SPAST: variants seen among roughly 807,000 people sequenced by gnomAD.
The protein encoded by SPAST is spastin.
In SPAST, 30 loss-of-function variants were observed where a neutral mutation model predicts 76.6. The ratio of observed to expected loss-of-function variants is 0.39; its 90% CI spans 0.29 to 0.53. The LOEUF (loss-of-function observed/expected upper bound fraction) is 0.53. SPAST is among the 20% of genes least tolerant of loss of function. The pLI is 0.68. For missense variants in SPAST, 717 were observed against 770.5 expected (o/e 0.93, Z 0.82); for synonymous variants, 305 against 281.0 (o/e 1.09, Z -0.86).
chr2:32,116,444 A>T (rs1232267666), intron 7 of SPAST, among the ~76,000 whole-genome samples: 1 of 152,166 alleles, frequency 6.6e-6, no homozygotes, highest in Non-Finnish European at 1.5e-5. Flanking sequence ...ATTTTTAGGA[A>T]AAGTGGGTAG....
chr2:32,147,786 C>T (rs1393221822), intron 16 of SPAST, among the ~76,000 whole-genome samples: 2 of 151,612 alleles, frequency 1.3e-5, no homozygotes, highest in African/African-American at 4.8e-5. Context: ...CGCCCACCAC[C>T]ACGCCTGGCT....
intron 12 of SPAST, among the ~76,000 whole-genome samples, chr2:32,138,406 T>C (rs1679612776): frequency 6.6e-6 from 1 of 152,214 alleles, no homozygotes; most frequent in African/African-American, 2.4e-5. Context: ...TATCTCATTG[T>C]GATTTTGATT....
chr2:32,072,956 C>T (rs1434580638), intron 1 of SPAST, among the ~76,000 whole-genome samples: 1 of 152,194 alleles, frequency 6.6e-6, no homozygotes, highest in Non-Finnish European at 1.5e-5. Context: ...GATAACATTG[C>T]TTTTGATTAC....
rs1676394003 is a variant in SPAST at position 32,063,946 on chromosome 2, G to A, written c.115G>A (p.Ala39Thr). The change falls in exon 1 of 17, where the codon GCC (alanine) becomes ACC (threonine). Residue 39 changes from alanine to threonine, a missense_variant. Ala to Thr is a moderately conservative substitution (Grantham distance 58). This residue lies in a region of SPAST where 543 missense variants were observed against 445.2 expected (regional missense o/e 1.22). Coordinates refer to ENST00000315285, the MANE Select transcript of SPAST (RefSeq NM_014946.4). ...CCCCGCCCCTCCCGCCGCCGGGCCG[G>A]CCCCTCCGCCCGAGTCGCCGCATAA... ...LAPAPPAAGP[A>T]PPPESPHKRN... 6.2e-7 allele frequency: 1 copy of A among 1,608,238 alleles called. No individual in the cohort carries two copies. The highest frequency in any genetic ancestry group is 1.3e-5 in the African/African-American group (1 of 74,764).
At chr2:32,129,030 A>G in intron 9 of SPAST, 1 of 165,968 alleles carries the variant, frequency 6.0e-6, no homozygotes, top group South Asian at 1.5e-4. Context: ...ATGTCCAAAT[A>G]ATGTCACATT....
chr2:32,114,242 C>T (rs1048605449), intron 4 of SPAST, among the ~76,000 whole-genome samples: 2 of 151,832 alleles, frequency 1.3e-5, no homozygotes, highest in African/African-American at 4.8e-5. Flanking sequence ...GACCCTGTTT[C>T]TATAAAAAAA....
At chr2:32,094,905 G>T (rs1677861877) in intron 3 of SPAST, among the ~76,000 whole-genome samples, 1 of 152,206 alleles carries the variant, frequency 6.6e-6, no homozygotes, top group Non-Finnish European at 1.5e-5. Flanking sequence ...GGAGGCGGAG[G>T]TTGCAGTGAG....
chr2:32,107,675 C>CA (rs1376728316), intron 4 of SPAST, among the ~76,000 whole-genome samples: 2 of 151,946 alleles, frequency 1.3e-5, no homozygotes, highest in East Asian at 1.9e-4. Flanking sequence ...TTGCAAAATG[C>CA]AAAAAAATGT....
At chr2:32,070,692 C>A (rs548600615) in intron 1 of SPAST, among the ~76,000 whole-genome samples, 1 of 152,230 alleles carries the variant, frequency 6.6e-6, no homozygotes, top group African/African-American at 2.4e-5. Context: ...TGCAATGACA[C>A]CATCTTAGCT....
chr2:32,132,571 C>G (rs1679406765), intron 9 of SPAST, among the ~76,000 whole-genome samples: 1 of 150,396 alleles, frequency 6.6e-6, no homozygotes, highest in Non-Finnish European at 1.5e-5. Context: ...TATATAGGAA[C>G]TTAATGTTAT....
chr2:32,143,099 T>G (rs1679776257), intron 13 of SPAST, among the ~76,000 whole-genome samples: 1 of 151,832 alleles, frequency 6.6e-6, no homozygotes, highest in African/African-American at 2.4e-5. Context: ...ACCCTGTCTC[T>G]ACAAAAACTT....
At chr2:32,120,488 A>T in intron 7 of SPAST, among the ~76,000 whole-genome samples, 1 of 149,740 alleles carries the variant, frequency 6.7e-6, no homozygotes, top group African/African-American at 2.5e-5. Context: ...CTTCATTTTC[A>T]TCTTATCGAT....
rs989838984 is a variant in SPAST, at chr2:32,146,281, G to A, written c.1688-937G>A. ...ATCCATTAAAGTACAGAAAATGGCCGGGTGCAGTGGCTCACACCTATAATC... is the reference window on the plus strand; with the variant it reads ...ATCCATTAAAGTACAGAAAATGGCCAGGTGCAGTGGCTCACACCTATAATC... On this transcript the variant is annotated intron_variant, in intron 15 of 16. Transcript: ENST00000315285. Among the ~76,000 whole-genome samples, 4 of 152,264 alleles carry A rather than the reference G, an allele frequency of 2.6e-5. 1 individual carries two copies. The highest frequency in any genetic ancestry group is 2.0e-4 in the Admixed American group (3 of 15,296).
chr2:32,128,954 A>C, intron 9 of SPAST: 1 of 191,254 alleles, frequency 5.2e-6, no homozygotes, highest in Admixed American at 5.4e-5. Flanking sequence ...CCATGTCCAA[A>C]TTTCCCCTGT....
In SPAST at chr2:32,107,516, G is replaced by T. The variant is rs189519725; in HGVS notation, c.683-7122G>T. Reference sequence around the variant, plus strand: ...GATCCACCTGCCCTGGCCTCCCAAAGTGTTGGGATTACAGTCATGAGCCAC... The same window carrying T: ...GATCCACCTGCCCTGGCCTCCCAAATTGTTGGGATTACAGTCATGAGCCAC... On this transcript the variant is annotated intron_variant, in intron 4 of 16. Coordinates refer to ENST00000315285, the MANE Select transcript of SPAST (RefSeq NM_014946.4). 1.7e-3 allele frequency among the ~76,000 whole-genome samples: 258 copies of T among 152,214 alleles called. 2 individuals are homozygous for T. The highest frequency in any genetic ancestry group is 5.6e-3 in the African/African-American group (234 of 41,504).
chr2:32,113,084 A>G (rs1312496013), intron 4 of SPAST, among the ~76,000 whole-genome samples: 2 of 152,158 alleles, frequency 1.3e-5, no homozygotes, highest in Non-Finnish European at 2.9e-5. Flanking sequence ...TACTTAGCAT[A>G]TGTAAAAGCA....
chr2:32,114,841 A>T lies in SPAST; in HGVS notation c.870+16A>T. 1 of 1,604,186 alleles carries T rather than the reference A, an allele frequency of 6.2e-7. No individual in the cohort carries two copies. Among genetic ancestry groups the T allele is most frequent in the Non-Finnish European group, 8.5e-7 (1 of 1,170,960 alleles). Reference sequence around the variant, plus strand: ...CACTCATAAGGTATTCTGGGACAGTAACTTTAATTGCTGTCTTTTTGCAAA... The same window carrying T: ...CACTCATAAGGTATTCTGGGACAGTTACTTTAATTGCTGTCTTTTTGCAAA... On this transcript the variant is annotated intron_variant, in intron 5 of 16. Coordinates refer to ENST00000315285, the MANE Select transcript of SPAST (RefSeq NM_014946.4).
rs142572640 is a variant in SPAST at position 32,068,271 on chromosome 2, C to T, written c.415+4025C>T. On this transcript the variant is annotated intron_variant, in intron 1 of 16. Transcript: ENST00000315285. ...GGGATTACAGGCGTGAGCCACCGCGCCCGGCACATATTTTGATTTCTAATG... is the reference window on the plus strand; with the variant it reads ...GGGATTACAGGCGTGAGCCACCGCGTCCGGCACATATTTTGATTTCTAATG... Among the ~76,000 whole-genome samples the T allele has an allele frequency of 5.1e-4, 77 of 152,004 alleles. 1 individual carries two copies. The highest frequency in any genetic ancestry group is 1.8e-3 in the African/African-American group (74 of 41,450).
intron 7 of SPAST, among the ~76,000 whole-genome samples, chr2:32,124,002 T>TG (rs1448882756): frequency 7.7e-6 from 1 of 129,138 alleles, no homozygotes; most frequent in South Asian, 3.0e-4. Flanking sequence ...ACATGATCCT[T>TG]GAAAAAAAAA....
Sources: gnomAD v4.1 joint callset for allele counts (sites outside exome capture counted in the v4.1 genomes callset) on GRCh38, gnomAD v4.1.1 for gene constraint, gnomAD v4.1.1 regional missense constraint, MANE v1.5 for transcripts, NCBI Gene and HGNC (gene_info 2026-07-23, HGNC 2026-07-21) for gene names.